The following GPR157 variants were observed in gnomAD, a reference collection of about 807,000 sequenced individuals.
GPR157 encodes the protein G-protein coupled receptor 157.
GPR157 carries 16 observed loss-of-function variants against 23.5 expected under a neutral mutation model. The ratio of observed to expected loss-of-function variants is 0.68; its 90% CI spans 0.46 to 1.04. GPR157 has a LOEUF of 1.04. GPR157 is among the 50% of genes least tolerant of loss of function. The pLI is 0.00. For missense variants in GPR157, 440 were observed against 460.7 expected (o/e 0.96, Z 0.41); for synonymous variants, 200 against 221.5 (o/e 0.90, Z 0.86).
intron 1 of GPR157, among the ~76,000 whole-genome samples, chr1:9,123,172 AAAAT>A (rs1247735397): frequency 1.6e-5 from 2 of 125,504 alleles, no homozygotes; most frequent in Admixed American, 9.1e-5. Flanking sequence ...GGAAAAAAAA[AAAAT>A]ATATATATAT....
intron 1 of GPR157, among the ~76,000 whole-genome samples, chr1:9,125,438 G>A (rs1196921425): frequency 6.6e-6 from 1 of 151,972 alleles, no homozygotes; most frequent in Non-Finnish European, 1.5e-5. Context: ...CAAACATCAG[G>A]GGCCAGACAC....
Position 9,128,776 on chromosome 1 carries a change from C to A in GPR157, c.252G>T (p.Ala84=). The change falls in exon 1 of 4, where the codon GCG becomes GCT. Residue 84 remains alanine, a synonymous_variant. Transcript: ENST00000377411. This position sits in a 1 kb window ranked among gnomAD's most constrained non-coding sequence, Gnocchi z 6.3. ...AGCTGGTGTTGGCGAAGGTGGACAGCGCGCCCTGCAGCACGCAGTCCCACG... is the reference window on the plus strand; with the variant it reads ...AGCTGGTGTTGGCGAAGGTGGACAGAGCGCCCTGCAGCACGCAGTCCCACG... ...GPSWDCVLQG[A]LSTFANTSSF... 1 of 1,611,980 alleles carries A rather than the reference C, an allele frequency of 6.2e-7. No individual in the cohort carries two copies. The highest frequency in any genetic ancestry group is 8.5e-7 in the Non-Finnish European group (1 of 1,178,974).
Position 9,128,505 on chromosome 1 carries a change from G to T in GPR157, c.383+140C>A. On this transcript the variant is annotated intron_variant, in intron 1 of 3. Transcript: ENST00000377411. This position sits in a 1 kb window ranked among gnomAD's most constrained non-coding sequence, Gnocchi z 6.3. ...GGCTGGCCTCCTCCCGCTGGCCCAG[G>T]ACAGCCTCGGGGGCGCCAGCAGGCA... 1 of 817,642 alleles carries T rather than the reference G, an allele frequency of 1.2e-6. No homozygotes were observed. The highest frequency in any genetic ancestry group is 2.0e-6 in the Non-Finnish European group (1 of 502,242). 50.6% of individuals were successfully genotyped at this position (817,642 alleles called of 1,614,324 possible). A position where few individuals can be genotyped will look rare whatever the true frequency, so the allele number is the denominator to read the frequency against.
chr1:9,122,106 G>C (rs1189437831), intron 1 of GPR157, among the ~76,000 whole-genome samples: 1 of 152,148 alleles, frequency 6.6e-6, no homozygotes, highest in East Asian at 1.9e-4. Context: ...AGGGGAGGAA[G>C]GGCTGCGCCA....
At position 9,120,836 on chromosome 1, in the gene GPR157, C is replaced by G. The variant is rs1638782641; in HGVS notation, c.383+7809G>C. Among the ~76,000 whole-genome samples, 1 of 152,192 alleles carries G rather than the reference C, an allele frequency of 6.6e-6. No homozygotes were observed. Among genetic ancestry groups the G allele is most frequent in the Non-Finnish European group, 1.5e-5 (1 of 68,034 alleles). On this transcript the variant is annotated intron_variant, in intron 1 of 3. Transcript: ENST00000377411. The surrounding 1 kb of genome is among the most constrained non-coding windows in gnomAD (Gnocchi z 4.1). ...GCACACAGGGACACAGCGCTGCCAC[C>G]TTCACCAGTCACCTCAGAAAACTTT...
At chr1:9,125,652 C>T (rs1464394053) in intron 1 of GPR157, among the ~76,000 whole-genome samples, 5 of 152,176 alleles carry the variant, frequency 3.3e-5, no homozygotes, top group African/African-American at 7.2e-5. Flanking sequence ...AAATGACTTA[C>T]AGAATTCAAA....
chr1:9,108,942 C>CG (rs1638414347), intron 2 of GPR157, among the ~76,000 whole-genome samples: 1 of 152,138 alleles, frequency 6.6e-6, no homozygotes, highest in South Asian at 2.1e-4. Context: ...CCCACCACCA[C>CG]GCTCAGCTAA....
At chr1:9,110,042 G>A (rs577982676) in intron 2 of GPR157, among the ~76,000 whole-genome samples, 31 of 152,184 alleles carry the variant, frequency 2.0e-4, no homozygotes, top group African/African-American at 3.6e-4. Context: ...GGATGAGCCC[G>A]GAAGTCTAAA....
chr1:9,109,471 C>A (rs1298372680), intron 2 of GPR157, among the ~76,000 whole-genome samples: 1 of 152,198 alleles, frequency 6.6e-6, no homozygotes. Context: ...TGGCTCACCG[C>A]AACCTCCATC....
In GPR157 at chr1:9,129,098, C is replaced by A. The variant is rs1639039129; in HGVS notation, c.-71G>T. 8.4e-7 allele frequency: 1 copy of A among 1,193,852 alleles called. No homozygotes were observed. The allele number at this position is 1,193,852 out of a possible 1,614,324, so 74.0% of individuals were successfully genotyped here. A position where few individuals can be genotyped will look rare whatever the true frequency, so the allele number is the denominator to read the frequency against. On this transcript the variant is annotated 5_prime_UTR_variant, in exon 1 of 4. Coordinates refer to ENST00000377411, the MANE Select transcript of GPR157 (RefSeq NM_024980.5). ...GCCGCGCGTGCGGCCACGCCGCCGC[C>A]GTCTGGGCACCGAGGCGCCCTAGGC...
At chr1:9,123,476 ATATT>A (rs1569977104) in intron 1 of GPR157, among the ~76,000 whole-genome samples, 2 of 117,190 alleles carry the variant, frequency 1.7e-5, no homozygotes, top group East Asian at 2.5e-4. Context: ...ATTTAAATAT[ATATT>A]TTAAAAATAT....
intron 2 of GPR157, among the ~76,000 whole-genome samples, chr1:9,109,290 C>T (rs1448927154): frequency 2.6e-5 from 4 of 152,076 alleles, no homozygotes; most frequent in South Asian, 4.2e-4. Flanking sequence ...ACCATGTTGG[C>T]CAGGCTGGTC....
intron 1 of GPR157, 75 bp from the exon 2 acceptor site, chr1:9,111,564 C>T (rs938898421): frequency 1.4e-5 from 17 of 1,204,592 alleles, no homozygotes; most frequent in East Asian, 7.1e-5. Flanking sequence ...GCAAAAATGA[C>T]GGAGGACGCC....
At position 9,120,717 on chromosome 1, in the gene GPR157, C is replaced by T. The variant is rs1033117418; in HGVS notation, c.383+7928G>A. 1.3e-5 allele frequency among the ~76,000 whole-genome samples: 2 copies of T among 152,146 alleles called. No homozygotes were observed. Among genetic ancestry groups the T allele is most frequent in the Non-Finnish European group, 2.9e-5 (2 of 68,024 alleles). ...ATGCACACTCATGCCCTAGTGCCACCGTCTGTAGCCCTCAGCTCAGGGATG... is the reference window on the plus strand; with the variant it reads ...ATGCACACTCATGCCCTAGTGCCACTGTCTGTAGCCCTCAGCTCAGGGATG... On this transcript the variant is annotated intron_variant, in intron 1 of 3. Coordinates refer to ENST00000377411, the MANE Select transcript of GPR157 (RefSeq NM_024980.5). This position sits in a 1 kb window ranked among gnomAD's most constrained non-coding sequence, Gnocchi z 4.1.
At chr1:9,110,866 C>T (rs897834958) in intron 2 of GPR157, among the ~76,000 whole-genome samples, 11 of 152,130 alleles carry the variant, frequency 7.2e-5, no homozygotes, top group African/African-American at 2.2e-4. Context: ...TGGGGCAGCC[C>T]GGCCTTGGGT....
intron 2 of GPR157, among the ~76,000 whole-genome samples, chr1:9,107,332 T>C (rs926653334): frequency 4.6e-5 from 7 of 152,170 alleles, no homozygotes; most frequent in Non-Finnish European, 1.0e-4. Context: ...ATGAAACTGC[T>C]CATGATGAAC....
intron 1 of GPR157, among the ~76,000 whole-genome samples, chr1:9,114,326 C>CCAA (rs1638586126): frequency 9.7e-6 from 1 of 103,124 alleles, no homozygotes; most frequent in African/African-American, 3.9e-5. Flanking sequence ...GAGACTGTCT[C>CCAA]AAAAAAAAAA....
intron 2 of GPR157, among the ~76,000 whole-genome samples, chr1:9,106,457 G>T (rs558338698): frequency 6.6e-6 from 1 of 152,162 alleles, no homozygotes; most frequent in African/African-American, 2.4e-5. Context: ...GTCGCAGCGG[G>T]GCCAACCCTT....
At chr1:9,110,613 C>T (rs1008798425) in intron 2 of GPR157, among the ~76,000 whole-genome samples, 5 of 152,158 alleles carry the variant, frequency 3.3e-5, no homozygotes, top group East Asian at 1.9e-4. Context: ...CTTTTGCAGG[C>T]GTTTGCTTGT....
Sources: allele counts gnomAD v4.1 joint callset (sites outside exome capture counted in the v4.1 genomes callset), GRCh38; gene constraint gnomAD v4.1.1; non-coding constraint Gnocchi (gnomAD v3.1); transcripts MANE v1.5; gene names NCBI Gene and HGNC (gene_info 2026-07-23, HGNC 2026-07-21).